The following TNPO2 variants were observed in gnomAD, a reference collection of about 807,000 sequenced individuals.
TNPO2 encodes the protein transportin 2.
A neutral mutation model predicts 111.1 loss-of-function variants in TNPO2; 16 were observed. The ratio of observed to expected loss-of-function variants is 0.14; its 90% confidence interval spans 0.10 to 0.22. The LOEUF is 0.22. TNPO2 is among the 10% of genes least tolerant of loss of function. TNPO2 has a pLI of 1.00. For missense variants in TNPO2, 530 were observed against 1,173.7 expected (o/e 0.45, Z 8.01); for synonymous variants, 481 against 475.8 (o/e 1.01, Z -0.14).
At position 12,703,820 on chromosome 19, in the gene TNPO2, T is replaced by C. The variant is rs1042526197; in HGVS notation, c.2023-19A>G. The C allele has an allele frequency of 7.0e-6, 11 of 1,560,536 alleles. No individual in the cohort carries two copies. In the African/African-American group the frequency reaches 1.5e-4, roughly 21 times the overall value. On this transcript the variant is annotated intron_variant, in intron 18 of 25. Coordinates refer to ENST00000425528, the MANE Select transcript of TNPO2 (RefSeq NM_001382241.1). ...TCGAGTCCTGGGGATTCAAGTAAGA[T>C]CAGTGTGGCTAGGCTCCCCTCCTTC...
chr19:12,706,300 T>A lies in TNPO2; in HGVS notation c.1564A>T (p.Thr522Ser), dbSNP rs1599411355. ...TATTTCCCAAAGGCAAAGACAAGGG[T>A]GTCCAGGATGTAGCTGAGGTAGGGC... ...LVPYLSYILD[T>S]LVFAFGKYQH... The change falls in exon 15 of 26, where the codon ACC (threonine) becomes TCC (serine). Residue 522 changes from threonine (T) to serine (S), a missense_variant. By Grantham distance (58) the Thr-to-Ser change is moderately conservative (BLOSUM62 1). Around this residue, in one of 4 missense-constraint regions of TNPO2, gnomAD observed 183 missense variants for 481.0 expected, o/e 0.38. Transcript: ENST00000425528. The surrounding 1 kb of genome is among the most constrained non-coding windows in gnomAD (Gnocchi z 7.0). 6.2e-7 allele frequency: 1 copy of A among 1,613,808 alleles called. No homozygotes were observed.
In TNPO2 at chr19:12,699,465, A is replaced by T. The variant is rs9467; in HGVS notation, c.*1799T>A. 0.32 allele frequency: 34,082 copies of T among 107,876 alleles called. 4,903 individuals are homozygous for T. The highest frequency in any genetic ancestry group is 0.43 in the Middle Eastern group (100 of 230). 6.7% of individuals were successfully genotyped at this position (107,876 alleles called of 1,614,324 possible). A position where few individuals can be genotyped will look rare whatever the true frequency, so the allele number is the denominator to read the frequency against. On this transcript the variant is annotated 3_prime_UTR_variant, in exon 26 of 26. Transcript: ENST00000425528. ...TTAAAAAATTAAATAGTTTTTTTTT[A>T]AAAAAAAAAAAAAAAAGGAAAACGA...
intron 13 of TNPO2, among the ~76,000 whole-genome samples, chr19:12,708,019 A>C (rs189287477): frequency 6.6e-6 from 1 of 152,072 alleles, no homozygotes; most frequent in African/African-American, 2.4e-5. Context: ...ACGAAGTTTC[A>C]CCGTGTTAGC....
Position 12,720,859 on chromosome 19 carries a change from C to A in TNPO2, c.99+20G>T. ...ACGCATCTACCCGGCTCCCCCAGCC[C>A]CGGAAGGAAGGAAGGATACATCCTG... is the stretch of plus-strand genomic sequence containing the variant. On this transcript the variant is annotated intron_variant, in intron 3 of 25. Transcript: ENST00000425528. The A allele has an allele frequency of 6.3e-7, 1 of 1,576,238 alleles. No homozygotes were observed. Among genetic ancestry groups the A allele is most frequent in the East Asian group, 2.3e-5 (1 of 42,932 alleles).
Position 12,701,655 on chromosome 19 carries a change from G to A in TNPO2, c.2529C>T (p.Cys843=), listed in dbSNP as rs377386715. The change falls in exon 24 of 26, where the codon TGC becomes TGT. Residue 843 remains cysteine, a synonymous_variant. Coordinates refer to ENST00000425528, the MANE Select transcript of TNPO2 (RefSeq NM_001382241.1). The surrounding 1 kb of genome is among the most constrained non-coding windows in gnomAD (Gnocchi z 5.0). ...GGCTCACCCAGGAGGCTACAGCATC[G>A]CAGAAGAAAATAAAGTCCTGAAACG... The part of the protein sequence containing the change: ...GGVVQDFIFF[C]DAVASWVSPK... The A allele has an allele frequency of 1.6e-5, 26 of 1,613,832 alleles. No homozygotes were observed. The African/African-American group carries it at 2.0e-4, about 12-fold the overall frequency.
At chr19:12,709,246 C>A (rs948203980) in intron 13 of TNPO2, among the ~76,000 whole-genome samples, 2 of 149,922 alleles carry the variant, frequency 1.3e-5, no homozygotes, top group African/African-American at 4.9e-5. Context: ...CCTGTAGTCC[C>A]AGCTACTCAG....
At chr19:12,718,171 ATTT>A (rs112380697) in intron 5 of TNPO2, among the ~76,000 whole-genome samples, 1 of 141,886 alleles carries the variant, frequency 7.0e-6, no homozygotes, top group South Asian at 2.3e-4. Context: ...CGCCCAGCTA[ATTT>A]TTTTTTTTTT....
chr19:12,713,870 C>T (rs1281607279), intron 10 of TNPO2, among the ~76,000 whole-genome samples: 3 of 151,964 alleles, frequency 2.0e-5, no homozygotes, highest in African/African-American at 7.2e-5. Context: ...TCTACTAAAA[C>T]TTAGAAAAGA....
In TNPO2 at chr19:12,720,930, C is replaced by A; in HGVS notation, c.48G>T (p.Leu16=). ...TGTTGGGCGACTGTGAGTCTTTGAG[C>A]AGCTGCAGGACCTGCTGCAGGCCCT... is the stretch of plus-strand genomic sequence containing the variant. The part of the protein sequence containing the change: ...DEQGLQQVLQ[L]LKDSQSPNTA... Residue 16 remains leucine, a synonymous_variant, in exon 3 of 26, where the codon CTG becomes CTT. Transcript: ENST00000425528. The A allele has an allele frequency of 6.2e-7, 1 of 1,603,924 alleles. No homozygotes were observed. The highest frequency in any genetic ancestry group is 8.5e-7 in the Non-Finnish European group (1 of 1,176,270).
chr19:12,711,832 A>T (rs1228263895), intron 10 of TNPO2, among the ~76,000 whole-genome samples: 1 of 151,636 alleles, frequency 6.6e-6, no homozygotes, highest in Admixed American at 6.6e-5. Context: ...TATGATTAGG[A>T]TATAAATGAT....
At position 12,705,993 on chromosome 19, in the gene TNPO2, C is replaced by T. The variant is rs1260460063; in HGVS notation, c.1668+203G>A. The T allele has an allele frequency of 1.0e-5, 7 of 694,642 alleles. No homozygotes were observed. The highest frequency in any genetic ancestry group is 1.6e-5 in the Non-Finnish European group (7 of 424,734). The allele number at this position is 694,642 out of a possible 1,614,324, so 43.0% of individuals were successfully genotyped here. A position where few individuals can be genotyped will look rare whatever the true frequency, so the allele number is the denominator to read the frequency against. ...GCCTGGGTTACCACCTCCTGGTTCC[C>T]GAAGCACAGCACTTACCACGCTGTC... On this transcript the variant is annotated intron_variant, in intron 15 of 25. Transcript: ENST00000425528. This position sits in a 1 kb window ranked among gnomAD's most constrained non-coding sequence, Gnocchi z 7.2.
At position 12,701,779 on chromosome 19, in the gene TNPO2, G is replaced by A. The variant is rs890516178; in HGVS notation, c.2484C>T (p.Ile828=). 2.1e-5 allele frequency: 34 copies of A among 1,613,766 alleles called. No homozygotes were observed. Among genetic ancestry groups the A allele is most frequent in the Admixed American group, 3.3e-5 (2 of 60,016 alleles). ...DSAFRGICMM[I]GVNPGGVVQD... is the part of the protein sequence containing the mutation. ...GCACAACGCCCCCCGGGTTGACACC[G>A]ATCATCATGCAGATGCCGCGGAAGG... Residue 828 remains isoleucine, a synonymous_variant, in exon 23 of 26, where the codon ATC becomes ATT. Transcript: ENST00000425528. The surrounding 1 kb of genome is among the most constrained non-coding windows in gnomAD (Gnocchi z 5.0).
intron 10 of TNPO2, among the ~76,000 whole-genome samples, chr19:12,712,804 C>A (rs1035847181): frequency 1.3e-5 from 2 of 152,158 alleles, no homozygotes; most frequent in African/African-American, 4.8e-5. Context: ...AGTGGTCCCC[C>A]GGGCCCAGCT....
Position 12,701,267 on chromosome 19 carries a change from T to C in TNPO2, c.*21-24A>G. On this transcript the variant is annotated intron_variant, in intron 25 of 25. Transcript: ENST00000425528. The surrounding 1 kb of genome is among the most constrained non-coding windows in gnomAD (Gnocchi z 5.0). ...ACCTGCAGGGGGAGGAGGAAGGTCA[T>C]GGCCTGGGACCTTTCGGCCCCCAAG... The C allele has an allele frequency of 8.5e-7, 1 of 1,176,648 alleles. No individual in the cohort carries two copies. The allele number at this position is 1,176,648 out of a possible 1,614,324, so 72.9% of individuals were successfully genotyped here.
rs565170131 is a variant in TNPO2 at position 12,711,783 on chromosome 19, T to C, written c.891-170A>G. Among the ~76,000 whole-genome samples, 12 of 152,218 alleles carry C rather than the reference T, an allele frequency of 7.9e-5. No individual in the cohort carries two copies. The South Asian group carries it at 2.3e-3, about 29-fold the overall frequency. On this transcript the variant is annotated intron_variant, in intron 10 of 25. Coordinates refer to ENST00000425528, the MANE Select transcript of TNPO2 (RefSeq NM_001382241.1). Reference sequence around the variant, plus strand: ...GTACTGCTAGGTGCAAATTGATCCATTTCCCTCTGGGGAATTATCGGAATC... The same window carrying C: ...GTACTGCTAGGTGCAAATTGATCCACTTCCCTCTGGGGAATTATCGGAATC...
At position 12,723,314 on chromosome 19, in the gene TNPO2, T is replaced by A. The variant is rs1193302671; in HGVS notation, c.-79A>T. 1.3e-5 allele frequency: 2 copies of A among 152,006 alleles called. No individual in the cohort carries two copies. Among genetic ancestry groups the A allele is most frequent in the Non-Finnish European group, 1.5e-5 (1 of 68,006 alleles). The allele number at this position is 152,006 out of a possible 1,614,324, so 9.4% of individuals were successfully genotyped here. On this transcript the variant is annotated 5_prime_UTR_variant, in exon 2 of 26. Transcript: ENST00000425528. ...AAGGGCAGGGTCATGAAGAAAGAAA[T>A]CTTCTTGATCCTTGCGACGTCTGAA...
rs776491681 is a variant in TNPO2, at chr19:12,706,794, G to A, written c.1272C>T (p.Gly424=). The part of the protein sequence containing the change: ...GILVLGAIAE[G]CMQGMVPYLP... ...GGTAGGGCACCATGCCCTGCATGCAGCCTACAAGGAAAGGGAACCAAGAGG... is the reference window on the plus strand; with the variant it reads ...GGTAGGGCACCATGCCCTGCATGCAACCTACAAGGAAAGGGAACCAAGAGG... The change falls in exon 14 of 26, where the codon GGC becomes GGT. Residue 424 remains glycine (G), a splice_region_variant and synonymous_variant. Coordinates refer to ENST00000425528, the MANE Select transcript of TNPO2 (RefSeq NM_001382241.1). The surrounding 1 kb of genome is among the most constrained non-coding windows in gnomAD (Gnocchi z 7.0). The A allele has an allele frequency of 5.0e-6, 8 of 1,602,032 alleles. No homozygotes were observed. Among genetic ancestry groups the A allele is most frequent in the Non-Finnish European group, 6.8e-6 (8 of 1,174,706 alleles).
In TNPO2 at chr19:12,701,439, G is replaced by A. The variant is rs750403989; in HGVS notation, c.2601C>T (p.Phe867=). The change falls in exon 25 of 26, where the codon TTC becomes TTT. Residue 867 remains phenylalanine, a synonymous_variant. Transcript: ENST00000425528. The surrounding 1 kb of genome is among the most constrained non-coding windows in gnomAD (Gnocchi z 5.0). ...AGTTATCTTCCCCAACTTGGTCTTT[G>A]AAGCCGTGGAGAATCTGTGGGGAGG... ...RDMFYKILHG[F]KDQVGEDNWQ... The A allele has an allele frequency of 1.2e-6, 2 of 1,613,820 alleles. No homozygotes were observed. The highest frequency in any genetic ancestry group is 2.7e-5 in the African/African-American group (2 of 74,908).
chr19:12,705,747 G>T lies in TNPO2; in HGVS notation c.1690C>A (p.Pro564Thr), dbSNP rs867005873. ...NQPEYIQKLM[P>T]PLIQKWNELK... ...TCATTCCACTTCTGGATCAGTGGGGGCATCAGCTTCTGGATGTATTCCTGG... is the reference window on the plus strand; with the variant it reads ...TCATTCCACTTCTGGATCAGTGGGGTCATCAGCTTCTGGATGTATTCCTGG... Residue 564 changes from proline to threonine, a missense_variant, in exon 16 of 26, where the codon CCC becomes ACC. Around this residue, in one of 4 missense-constraint regions of TNPO2, gnomAD observed 183 missense variants for 481.0 expected, o/e 0.38. Coordinates refer to ENST00000425528, the MANE Select transcript of TNPO2 (RefSeq NM_001382241.1). This position sits in a 1 kb window ranked among gnomAD's most constrained non-coding sequence, Gnocchi z 7.2. 2 of 1,469,008 alleles carry T rather than the reference G, an allele frequency of 1.4e-6. No homozygotes were observed. The highest frequency in any genetic ancestry group is 1.8e-6 in the Non-Finnish European group (2 of 1,106,148). The allele number at this position is 1,469,008 out of a possible 1,614,324, so 91.0% of individuals were successfully genotyped here.
Sources: gnomAD v4.1 joint callset for allele counts (sites outside exome capture counted in the v4.1 genomes callset) on GRCh38, gnomAD v4.1.1 for gene constraint, gnomAD v4.1.1 regional missense constraint, Gnocchi (gnomAD v3.1) non-coding constraint, MANE v1.5 for transcripts, NCBI Gene and HGNC (gene_info 2026-07-23, HGNC 2026-07-21) for gene names.